Variants in IL1RL1 observed in about 807,000 individuals in gnomAD.
IL1RL1 encodes the protein interleukin 1 receptor like 1.
In IL1RL1, 32 loss-of-function variants were observed where a neutral mutation model predicts 50.9. That is an observed-to-expected ratio of 0.63 (90% CI 0.47 to 0.84). The LOEUF (loss-of-function observed/expected upper bound fraction) is 0.84. IL1RL1 is among the 40% of genes least tolerant of loss of function. IL1RL1 has a pLI of 0.00. For missense variants in IL1RL1, 773 were observed against 662.9 expected, an observed-to-expected ratio of 1.17 and a Z score of -1.82; for synonymous variants, 275 against 236.0, an observed-to-expected ratio of 1.17 and a Z score of -1.51.
rs4627592 is a variant in IL1RL1, at chr2:102,327,211, C to T, written c.-149-10905C>T. Among the ~76,000 whole-genome samples the T allele has an allele frequency of 2.0e-3, 301 of 152,078 alleles. 8 individuals carry two copies. The East Asian group carries it at 0.055, about 28-fold the overall frequency. ...CAGGATTAAGAAACTTACTCAAAACCGCTCAACTACATGGAAACTGAACAA... is the reference window on the plus strand; with the variant it reads ...CAGGATTAAGAAACTTACTCAAAACTGCTCAACTACATGGAAACTGAACAA... On this transcript the variant is annotated intron_variant, in intron 1 of 10. Transcript: ENST00000233954.
At chr2:102,351,430 G>C (rs1230328489) in intron 10 of IL1RL1, 106 bp from the exon 11 acceptor site, 18 of 1,023,074 alleles carry the variant, frequency 1.8e-5, no homozygotes, top group Admixed American at 2.7e-5. Context: ...CTTGATGTCA[G>C]AGAATCTCAC....
chr2:102,329,261 G>T (rs1677104296), intron 1 of IL1RL1, among the ~76,000 whole-genome samples: 1 of 152,136 alleles, frequency 6.6e-6, no homozygotes, highest in Admixed American at 6.5e-5. Flanking sequence ...TTTAACAAAG[G>T]GTGCTGGGAT....
intron 1 of IL1RL1, among the ~76,000 whole-genome samples, chr2:102,316,025 T>A (rs1346192084): frequency 6.6e-6 from 1 of 152,216 alleles, no homozygotes; most frequent in Non-Finnish European, 1.5e-5. Flanking sequence ...TATCTCAGTC[T>A]GCCAGTGATG....
intron 1 of IL1RL1, chr2:102,312,922 G>A (rs903679384): frequency 3.3e-5 from 5 of 151,926 alleles, no homozygotes; most frequent in African/African-American, 1.2e-4. Flanking sequence ...TAAGGAAATC[G>A]GAGGCATGTT....
chr2:102,315,339 G>A (rs1426945899), intron 1 of IL1RL1, among the ~76,000 whole-genome samples: 2 of 152,072 alleles, frequency 1.3e-5, no homozygotes, highest in Non-Finnish European at 2.9e-5. Context: ...TTCACTCTGG[G>A]GCATTATGAT....
At chr2:102,345,796 A>G in intron 8 of IL1RL1, 1 of 985,440 alleles carries the variant, frequency 1.0e-6, no homozygotes, top group Non-Finnish European at 1.2e-6. Context: ...CACCCCAGGA[A>G]GGCTGTGGAC....
chr2:102,326,254 G>A (rs1676994425), intron 1 of IL1RL1, among the ~76,000 whole-genome samples: 1 of 152,166 alleles, frequency 6.6e-6, no homozygotes, highest in Non-Finnish European at 1.5e-5. Context: ...GCCAAACTAA[G>A]CTTCATAAGT....
chr2:102,338,781 A>G, intron 2 of IL1RL1, 56 bp from the exon 3 acceptor site: 3 of 1,325,252 alleles, frequency 2.3e-6, no homozygotes, highest in Non-Finnish European at 3.2e-6. Flanking sequence ...GAGTATAAGA[A>G]TTATGATCTT....
intron 1 of IL1RL1, among the ~76,000 whole-genome samples, chr2:102,319,989 C>T (rs777087904): frequency 1.1e-4 from 16 of 152,178 alleles, no homozygotes; most frequent in Non-Finnish European, 1.9e-4. Flanking sequence ...ACTCCCAGCC[C>T]TTTCTTTTGC....
At chr2:102,345,214 A>G (rs1677738510) in intron 8 of IL1RL1, 1 of 984,232 alleles carries the variant, frequency 1.0e-6, no homozygotes, top group African/African-American at 1.7e-5. Flanking sequence ...CTTCCCACAG[A>G]GGTGGACTGA....
Position 102,343,088 on chromosome 2 carries a change from C to A in IL1RL1, c.735C>A (p.Phe245Leu). 6.2e-7 allele frequency: 1 copy of A among 1,614,032 alleles called. No individual in the cohort carries two copies. Among genetic ancestry groups the A allele is most frequent in the Non-Finnish European group, 8.5e-7 (1 of 1,179,940 alleles). ...CTTGTTTTGGAAAAGGCACTCAGTT[C>A]TTGGCTGCCGTCCTGTGGCAGCTTA... ...CSACFGKGTQ[F>L]LAAVLWQLNG... is the part of the protein sequence containing the mutation. Residue 245 changes from phenylalanine to leucine, a missense_variant, in exon 7 of 11, where the codon TTC becomes TTA. By Grantham distance (22) the Phe-to-Leu change is conservative. Transcript: ENST00000233954.
Position 102,338,119 on chromosome 2 carries a change from A to T in IL1RL1, c.-146A>T, listed in dbSNP as rs1161639451. 1 of 484,240 alleles carries T rather than the reference A, an allele frequency of 2.1e-6. No individual in the cohort carries two copies. The highest frequency in any genetic ancestry group is 2.0e-5 in the African/African-American group (1 of 49,916). The allele number at this position is 484,240 out of a possible 1,614,324, so 30.0% of individuals were successfully genotyped here. A position where few individuals can be genotyped will look rare whatever the true frequency, so the allele number is the denominator to read the frequency against. ...TTTTGTCTAACTTATTTTTCAGTTG[A>T]GATATAGGCTACTCTTCCCAACTCA... On this transcript the variant is annotated 5_prime_UTR_variant, in exon 2 of 11. An upstream open reading frame in the 5' UTR gains an earlier in-frame stop. Coordinates refer to ENST00000233954, the MANE Select transcript of IL1RL1 (RefSeq NM_016232.5).
intron 10 of IL1RL1, among the ~76,000 whole-genome samples, chr2:102,351,250 T>C (rs1176403729): frequency 6.6e-6 from 1 of 152,190 alleles, no homozygotes; most frequent in Non-Finnish European, 1.5e-5. Flanking sequence ...AACAATAGAC[T>C]AAATATCTTT....
Position 102,348,085 on chromosome 2 carries a change from AGGAAT to A in IL1RL1, c.1114_1117+1del, listed in dbSNP as rs1333436974. On this transcript the variant is annotated frameshift_variant and splice_region_variant, in exon 9 of 11. Transcript: ENST00000233954. LOFTEE classifies it high-confidence loss of function. ...AGACATAGCTAAACCTTACAAGACTAGGAATGGTAAGTGGCAAATACCAAGTTTTT... is the reference window on the plus strand; with the variant it reads ...AGACATAGCTAAACCTTACAAGACTAGGTAAGTGGCAAATACCAAGTTTTT... 2 of 1,608,258 alleles carry A rather than the reference AGGAAT, an allele frequency of 1.2e-6. No individual in the cohort carries two copies.
At chr2:102,324,671 A>G (rs937304273) in intron 1 of IL1RL1, among the ~76,000 whole-genome samples, 18 of 152,194 alleles carry the variant, frequency 1.2e-4, no homozygotes, top group Non-Finnish European at 2.4e-4. Context: ...TGCTTTTCCA[A>G]TGGTCTTAGC....
chr2:102,319,137 A>C (rs895941545), intron 1 of IL1RL1, among the ~76,000 whole-genome samples: 12 of 152,226 alleles, frequency 7.9e-5, no homozygotes, highest in Non-Finnish European at 1.3e-4. Context: ...CTTTGGGAAT[A>C]GAACTTATTG....
In IL1RL1 at chr2:102,331,075, ACT is replaced by A. The variant is rs1284866396; in HGVS notation, c.-149-7034_-149-7033del. 3.9e-5 allele frequency among the ~76,000 whole-genome samples: 6 copies of A among 152,036 alleles called. No homozygotes were observed. In the East Asian group the frequency reaches 9.7e-4, roughly 24 times the overall value. The stretch of plus-strand genomic sequence containing the variant: ...TATATATTTTTGAGTCTACTTCTGG[ACT>A]CTCTCTTCTTTGATCAACATGTCTG... On this transcript the variant is annotated intron_variant, in intron 1 of 10. Coordinates refer to ENST00000233954, the MANE Select transcript of IL1RL1 (RefSeq NM_016232.5).
chr2:102,332,277 A>T (rs1677197474), intron 1 of IL1RL1, among the ~76,000 whole-genome samples: 1 of 152,178 alleles, frequency 6.6e-6, no homozygotes, highest in Non-Finnish European at 1.5e-5. Flanking sequence ...AGATTGGAGC[A>T]GGTTAAGGAG....
chr2:102,340,758 C>G lies in IL1RL1; in HGVS notation c.540C>G (p.Thr180=), dbSNP rs1251146420. ...NVMTEDAGDY[T]CKFIHNENGA... ...TGACTGAGGACGCAGGTGATTACAC[C>G]TGTAAATTTATACACAATGAAAATG... is the stretch of plus-strand genomic sequence containing the variant. Residue 180 remains threonine, a synonymous_variant, in exon 5 of 11, where the codon ACC becomes ACG. Coordinates refer to ENST00000233954, the MANE Select transcript of IL1RL1 (RefSeq NM_016232.5). The G allele has an allele frequency of 6.3e-6, 10 of 1,595,302 alleles. No individual in the cohort carries two copies. Among genetic ancestry groups the G allele is most frequent in the Non-Finnish European group, 8.5e-6 (10 of 1,174,484 alleles).
Sources: allele counts gnomAD v4.1 joint callset (sites outside exome capture counted in the v4.1 genomes callset), GRCh38; gene constraint gnomAD v4.1.1; transcripts MANE v1.5; gene names NCBI Gene and HGNC (gene_info 2026-07-23, HGNC 2026-07-21).